Variants in DDB1 observed in about 807,000 individuals in gnomAD.
The protein encoded by DDB1 is DNA damage-binding protein 1.
In DDB1, 18 loss-of-function variants were observed where a neutral mutation model predicts 133.1. The ratio of observed to expected loss-of-function variants is 0.14; its 90% CI spans 0.09 to 0.20. The LOEUF is 0.20. Among genes scored for constraint, DDB1 ranks in the 10% least tolerant of loss-of-function variants. The pLI is 1.00. For synonymous variants in DDB1, 580 were observed against 550.5 expected (o/e 1.05, Z -0.75); for missense variants, 828 against 1,459.2 (o/e 0.57, Z 7.05).
intron 4 of DDB1, among the ~76,000 whole-genome samples, chr11:61,327,288 G>C (rs1272999419): frequency 6.6e-6 from 1 of 152,170 alleles, no homozygotes; most frequent in East Asian, 1.9e-4. Context: ...TAGCCAACAC[G>C]GCAAAACCCC....
intron 21 of DDB1, among the ~76,000 whole-genome samples, chr11:61,308,428 T>C (rs1225314583): frequency 6.6e-6 from 1 of 152,230 alleles, no homozygotes; most frequent in Non-Finnish European, 1.5e-5. Flanking sequence ...GCACCCCTTT[T>C]ACTTCTCACC....
chr11:61,321,848 C>T, intron 9 of DDB1, 151 bp from the exon 10 acceptor site: 1 of 662,794 alleles, frequency 1.5e-6, no homozygotes, highest in South Asian at 1.9e-5. Flanking sequence ...GGTTGATTTC[C>T]AAAGTCTTTC....
chr11:61,300,106 A>G lies in DDB1; in HGVS notation c.*30T>C, dbSNP rs918541537. On this transcript the variant is annotated 3_prime_UTR_variant, in exon 27 of 27. Coordinates refer to ENST00000301764, the MANE Select transcript of DDB1 (RefSeq NM_001923.5). Reference sequence around the variant, plus strand: ...GGGCAGCAGGGCAAAGCCTTTGGGGAGGGTCAGCAAAGGGGCCCCCTGCCC... The same window carrying G: ...GGGCAGCAGGGCAAAGCCTTTGGGGGGGGTCAGCAAAGGGGCCCCCTGCCC... The G allele has an allele frequency of 1.2e-6, 2 of 1,609,396 alleles. No homozygotes were observed. Among genetic ancestry groups the G allele is most frequent in the African/African-American group, 1.3e-5 (1 of 74,834 alleles).
In DDB1 at chr11:61,311,436, T is replaced by A. The variant is rs180868585; in HGVS notation, c.2277+348A>T. The A allele has an allele frequency of 3.8e-5, 9 of 235,808 alleles. No individual in the cohort carries two copies. In the Admixed American group the frequency reaches 5.1e-4, roughly 13 times the overall value. The allele number at this position is 235,808 out of a possible 1,614,324, so 14.6% of individuals were successfully genotyped here. A position where few individuals can be genotyped will look rare whatever the true frequency, so the allele number is the denominator to read the frequency against. On this transcript the variant is annotated intron_variant, in intron 18 of 26. Transcript: ENST00000301764. The stretch of plus-strand genomic sequence containing the variant: ...CAGTAGGCACTTTTGAAAAGCTGGT[T>A]TCTGTCTTAAAAAAAAAACAAACAA...
intron 4 of DDB1, among the ~76,000 whole-genome samples, 197 bp from the exon 5 acceptor site, chr11:61,327,090 G>A (rs962240224): frequency 2.0e-5 from 3 of 152,110 alleles, no homozygotes; most frequent in Non-Finnish European, 4.4e-5. Flanking sequence ...CAGCATCTGA[G>A]ATCTACCATT....
intron 24 of DDB1, 47 bp downstream of exon 24, chr11:61,302,535 C>T: frequency 6.2e-7 from 1 of 1,609,124 alleles, no homozygotes; most frequent in African/African-American, 1.3e-5. Context: ...ATGCTGGTAT[C>T]AGGAAGGAGG....
At position 61,322,996 on chromosome 11, in the gene DDB1, C is replaced by A. The variant is rs890173831; in HGVS notation, c.1005+15G>T. 9 of 1,609,308 alleles carry A rather than the reference C, an allele frequency of 5.6e-6. No individual in the cohort carries two copies. Among genetic ancestry groups the A allele is most frequent in the Admixed American group, 1.7e-5 (1 of 59,256 alleles). On this transcript the variant is annotated intron_variant, in intron 8 of 26. Transcript: ENST00000301764. The stretch of plus-strand genomic sequence containing the variant: ...AGTACAGCAAAAAAGAAACCAGAAA[C>A]AAGTGTCTTCTCACCTTCACAAGCT...
chr11:61,319,439 CTTTTTT>C (rs367586506), intron 10 of DDB1, among the ~76,000 whole-genome samples: 1 of 145,524 alleles, frequency 6.9e-6, no homozygotes, highest in Non-Finnish European at 1.5e-5. Context: ...CTTTTTTTTT[CTTTTTT>C]TTTTTGAGAT....
intron 9 of DDB1, 103 bp downstream of exon 9, chr11:61,322,192 TA>T (rs1856192174): frequency 2.2e-6 from 2 of 913,876 alleles, no homozygotes; most frequent in Non-Finnish European, 3.5e-6. Context: ...AGGGGGCTCT[TA>T]AAAGTATTTT....
intron 8 of DDB1, chr11:61,322,789 A>G: frequency 3.5e-6 from 2 of 565,352 alleles, no homozygotes; most frequent in South Asian, 2.4e-5. Context: ...TTGTTCATCA[A>G]TGTATCCACA....
chr11:61,329,576 A>C lies in DDB1; in HGVS notation c.336T>G (p.Ile112Met). Residue 112 changes from isoleucine to methionine, a missense_variant, in exon 4 of 27, where the codon ATT (isoleucine) becomes ATG (methionine). By Grantham distance (10) the Ile-to-Met change is conservative (BLOSUM62 1). This residue lies in a region of DDB1 where 210 missense variants were observed against 344.8 expected (regional missense o/e 0.61). Coordinates refer to ENST00000301764, the MANE Select transcript of DDB1 (RefSeq NM_001923.5). ...TAATGCCGGTCTCTGAGGGGCGGCC[A>C]ATGCGGTCCTGAGAAACAAAATCGG... ...TRAHGNVQDR[I>M]GRPSETGIIG... 1 of 1,611,258 alleles carries C rather than the reference A, an allele frequency of 6.2e-7. No individual in the cohort carries two copies. The highest frequency in any genetic ancestry group is 2.2e-5 in the East Asian group (1 of 44,822).
At position 61,309,872 on chromosome 11, in the gene DDB1, A is replaced by G. The variant is rs1360400444; in HGVS notation, c.2490T>C (p.Ile830=). 1 of 1,614,156 alleles carries G rather than the reference A, an allele frequency of 6.2e-7. No homozygotes were observed. The change falls in exon 20 of 27, where the codon ATT becomes ATC. Residue 830 remains isoleucine (I), a synonymous_variant. Coordinates refer to ENST00000301764, the MANE Select transcript of DDB1 (RefSeq NM_001923.5). ...KLGKDPNTYF[I]VGTAMVYPEE... ...CAGGATACACCATTGCTGTGCCCAC[A>G]ATGAAGTAAGTGTTGGGGTCTTTGC...
At chr11:61,316,129 T>C in intron 12 of DDB1, 156 bp downstream of exon 12, 1 of 659,682 alleles carries the variant, frequency 1.5e-6, no homozygotes. Flanking sequence ...AGAGTTGTGA[T>C]CTCTGAGTAG....
intron 6 of DDB1, 86 bp from the exon 7 acceptor site, chr11:61,324,223 A>T: frequency 1.4e-6 from 2 of 1,476,588 alleles, no homozygotes; most frequent in Non-Finnish European, 1.9e-6. Flanking sequence ...CCTTTACCAA[A>T]CCCAGCCATT....
At position 61,310,552 on chromosome 11, in the gene DDB1, G is replaced by A. The variant is rs923453709; in HGVS notation, c.2278-134C>T. ...GAACTCTGATGGCTGGCAGCTCAAGGAGCCTGAGGAGAGTGTTTCAGAGGA... is the reference window on the plus strand; with the variant it reads ...GAACTCTGATGGCTGGCAGCTCAAGAAGCCTGAGGAGAGTGTTTCAGAGGA... On this transcript the variant is annotated intron_variant, in intron 18 of 26. Coordinates refer to ENST00000301764, the MANE Select transcript of DDB1 (RefSeq NM_001923.5). 10 of 1,001,554 alleles carry A rather than the reference G, an allele frequency of 1.0e-5. No homozygotes were observed. The African/African-American group carries it at 1.5e-4, about 15-fold the overall frequency. The allele number at this position is 1,001,554 out of a possible 1,614,324, so 62.0% of individuals were successfully genotyped here. A position where few individuals can be genotyped will look rare whatever the true frequency, so the allele number is the denominator to read the frequency against.
rs1300140184 is a variant in DDB1 at position 61,314,493 on chromosome 11, A to C, written c.1411-7T>G. 1 of 1,603,966 alleles carries C rather than the reference A, an allele frequency of 6.2e-7. No individual in the cohort carries two copies. ...TCACCGATGCTGAAGTGATCTAGAT[A>C]AACAGCAGATGAACAAATGTCTCCA... On this transcript the variant is annotated splice_polypyrimidine_tract_variant and splice_region_variant and intron_variant, in intron 12 of 26. Coordinates refer to ENST00000301764, the MANE Select transcript of DDB1 (RefSeq NM_001923.5).
intron 25 of DDB1, 180 bp from the exon 26 acceptor site, chr11:61,301,112 A>G: frequency 2.4e-6 from 2 of 839,300 alleles, no homozygotes; most frequent in South Asian, 3.7e-5. Flanking sequence ...AATATGACCT[A>G]ATCTAATTGG....
Position 61,310,428 on chromosome 11 carries a change from G to A in DDB1, c.2278-10C>T, listed in dbSNP as rs376921474. 6.3e-7 allele frequency: 1 copy of A among 1,593,330 alleles called. No homozygotes were observed. The highest frequency in any genetic ancestry group is 8.5e-7 in the Non-Finnish European group (1 of 1,171,264). Reference sequence around the variant, plus strand: ...CACTGCTGGACAGAGCCTGCAAACAGAGAGAATGCACATCATCCTTCTCAA... The same window carrying A: ...CACTGCTGGACAGAGCCTGCAAACAAAGAGAATGCACATCATCCTTCTCAA... On this transcript the variant is annotated splice_polypyrimidine_tract_variant and intron_variant, in intron 18 of 26. Transcript: ENST00000301764.
intron 26 of DDB1, 57 bp downstream of exon 26, chr11:61,300,752 C>A: frequency 1.9e-6 from 3 of 1,602,690 alleles, no homozygotes; most frequent in Non-Finnish European, 2.6e-6. Flanking sequence ...AGTCTCCTGG[C>A]ATGCCCCAAC....
Sources: allele counts gnomAD v4.1 joint callset (sites outside exome capture counted in the v4.1 genomes callset), GRCh38; gene constraint gnomAD v4.1.1; regional missense constraint gnomAD v4.1.1; transcripts MANE v1.5; gene names NCBI Gene and HGNC (gene_info 2026-07-23, HGNC 2026-07-21).